The following TACC2 variants were observed in gnomAD, a reference collection of about 807,000 sequenced individuals.
The protein encoded by TACC2 is transforming acidic coiled-coil-containing protein 2.
A neutral mutation model predicts 227.3 loss-of-function variants in TACC2; 137 were observed. The ratio of observed to expected loss-of-function variants is 0.60; its 90% CI spans 0.52 to 0.69. The LOEUF is 0.69. TACC2 is among the 30% of genes least tolerant of loss of function. The pLI is 0.00. For missense variants in TACC2, 3,470 were observed against 3,694.4 expected (o/e 0.94, Z 1.57); for synonymous variants, 1,523 against 1,487.5 (o/e 1.02, Z -0.55).
chr10:122,069,533 C>T (rs1453237654), intron 3 of TACC2, among the ~76,000 whole-genome samples: 1 of 152,170 alleles, frequency 6.6e-6, no homozygotes, highest in Non-Finnish European at 1.5e-5. Flanking sequence ...TGAGCCACTG[C>T]GCCTGGCCCC....
chr10:122,086,890 C>T lies in TACC2; in HGVS notation c.4390C>T (p.Pro1464Ser), dbSNP rs752256733. 5.6e-6 allele frequency: 9 copies of T among 1,613,782 alleles called. No individual in the cohort carries two copies. Among genetic ancestry groups the T allele is most frequent in the African/African-American group, 1.3e-5 (1 of 74,940 alleles). Residue 1464 changes from proline to serine, a missense_variant, in exon 4 of 23, where the codon CCT becomes TCT. By Grantham distance (74) the Pro-to-Ser change is moderately conservative. Transcript: ENST00000369005. ...TCCAGGAGTGGATGTCACCCTTCTCCCTGCACCTCCTGCTCGACTCCAGGT... is the reference window on the plus strand; with the variant it reads ...TCCAGGAGTGGATGTCACCCTTCTCTCTGCACCTCCTGCTCGACTCCAGGT... ...GPPGVDVTLL[P>S]APPARLQVEK... is the part of the protein sequence containing the mutation.
chr10:122,216,552 C>T (rs1423324350), intron 10 of TACC2, 75 bp from the exon 11 acceptor site: 1 of 1,511,902 alleles, frequency 6.6e-7, no homozygotes, highest in Non-Finnish European at 9.0e-7. Context: ...CTAATGGGTC[C>T]CCAGACCTGA....
At chr10:122,113,877 G>C (rs907214501) in intron 5 of TACC2, among the ~76,000 whole-genome samples, 3 of 152,238 alleles carry the variant, frequency 2.0e-5, no homozygotes, top group Non-Finnish European at 4.4e-5. Flanking sequence ...CTCTGCCTCG[G>C]GGTGTCCTCG....
intron 7 of TACC2, among the ~76,000 whole-genome samples, chr10:122,158,756 A>G (rs2092646430): frequency 6.6e-6 from 1 of 152,242 alleles, no homozygotes; most frequent in African/African-American, 2.4e-5. Context: ...AGACTCCCAG[A>G]GGTGAGCAGG....
At chr10:122,072,856 G>A (rs546338966) in intron 3 of TACC2, among the ~76,000 whole-genome samples, 68 of 152,096 alleles carry the variant, frequency 4.5e-4, no homozygotes, top group Admixed American at 9.8e-4. Context: ...CGGCTCACGC[G>A]TAATCCCAGC....
intron 2 of TACC2, among the ~76,000 whole-genome samples, chr10:122,035,524 G>A (rs2461209): frequency 0.053 from 8,075 of 152,210 alleles, 272 homozygotes; most frequent in Admixed American, 0.11. Flanking sequence ...CTTATGAGGC[G>A]CTAACAGGCA....
chr10:122,159,988 T>C (rs1427838506), intron 7 of TACC2, among the ~76,000 whole-genome samples: 1 of 152,186 alleles, frequency 6.6e-6, no homozygotes, highest in East Asian at 1.9e-4. Flanking sequence ...GCTCCGTCCG[T>C]TGAACCTCTG....
intron 7 of TACC2, among the ~76,000 whole-genome samples, chr10:122,185,186 CTTT>C (rs761611487): frequency 2.9e-5 from 4 of 138,450 alleles, no homozygotes; most frequent in Non-Finnish European, 3.2e-5. Flanking sequence ...TCTTTTCTTT[CTTT>C]TTTTTTTTTT....
chr10:122,084,790 G>C lies in TACC2; in HGVS notation c.2290G>C (p.Gly764Arg). 6.2e-7 allele frequency: 1 copy of C among 1,613,618 alleles called. No individual in the cohort carries two copies. The change falls in exon 4 of 23, where the codon GGG becomes CGG. Residue 764 changes from glycine (G) to arginine (R), a missense_variant. Physicochemically the swap from Gly to Arg is moderately radical, Grantham distance 125. Transcript: ENST00000369005. ...GLLTSPDQPR[G>R]PACDASRQEF... The stretch of plus-strand genomic sequence containing the variant: ...GCTGACGTCCCCAGATCAACCCCGC[G>C]GGCCGGCGTGTGATGCGTCGAGACA...
chr10:122,042,073 G>C (rs927666299), intron 2 of TACC2, among the ~76,000 whole-genome samples: 4 of 152,088 alleles, frequency 2.6e-5, no homozygotes, highest in Non-Finnish European at 5.9e-5. Flanking sequence ...AGCCTCCCGA[G>C]TAGCTGGGAC....
rs766819530 is a variant in TACC2, at chr10:122,084,216, T to A, written c.1716T>A (p.Pro572=). The change falls in exon 4 of 23, where the codon CCT becomes CCA. Residue 572 remains proline, a synonymous_variant. Transcript: ENST00000369005. ...PAVAKEGSRS[P]GDSPGGKEEA... The stretch of plus-strand genomic sequence containing the variant: ...TGGCTAAAGAAGGAAGCAGATCACC[T>A]GGTGACAGCCCTGGAGGAAAGGAGG... The A allele has an allele frequency of 8.1e-6, 13 of 1,613,934 alleles. No individual in the cohort carries two copies. The highest frequency in any genetic ancestry group is 2.2e-5 in the South Asian group (2 of 91,076).
At chr10:122,243,000 G>A (rs1283326043) in intron 19 of TACC2, among the ~76,000 whole-genome samples, 1 of 152,144 alleles carries the variant, frequency 6.6e-6, no homozygotes, top group Non-Finnish European at 1.5e-5. Flanking sequence ...CTGGAGTGCA[G>A]TGGCACGATC....
Position 122,205,260 on chromosome 10 carries a change from T to G in TACC2, c.5972-5137T>G, listed in dbSNP as rs2095063308. On this transcript the variant is annotated intron_variant, in intron 8 of 22. Transcript: ENST00000369005. This position sits in a 1 kb window ranked among gnomAD's most constrained non-coding sequence, Gnocchi z 4.5. ...CACAGCCCCACCCGGTGGGGGTTCC[T>G]GGGGTCTCTGTGAGATCCTGAACAC... Among the ~76,000 whole-genome samples the G allele has an allele frequency of 6.6e-6, 1 of 152,146 alleles. No homozygotes were observed. The highest frequency in any genetic ancestry group is 2.1e-4 in the South Asian group (1 of 4,816).
At chr10:122,037,161 G>A (rs1214226148) in intron 2 of TACC2, among the ~76,000 whole-genome samples, 1 of 152,224 alleles carries the variant, frequency 6.6e-6, no homozygotes, top group Admixed American at 6.6e-5. Flanking sequence ...AGTGTAACAG[G>A]TATGGGAGAA....
At chr10:122,212,124 T>A (rs1356803418) in intron 9 of TACC2, among the ~76,000 whole-genome samples, 1 of 152,224 alleles carries the variant, frequency 6.6e-6, no homozygotes, top group Non-Finnish European at 1.5e-5. Context: ...TATTAAAATG[T>A]ATAGTACTTG....
chr10:122,251,869 A>C (rs368249788), intron 22 of TACC2, among the ~76,000 whole-genome samples: 1 of 152,218 alleles, frequency 6.6e-6, no homozygotes, highest in South Asian at 2.1e-4. Flanking sequence ...CATTATCTTA[A>C]ACTGAACTTC....
chr10:121,996,605 C>T (rs952223733), intron 1 of TACC2, among the ~76,000 whole-genome samples: 5 of 152,124 alleles, frequency 3.3e-5, no homozygotes, highest in Non-Finnish European at 5.9e-5. Context: ...TCATTTCATT[C>T]AGCAAACACT....
In TACC2 at chr10:122,087,615, A is replaced by G. The variant is rs1272284472; in HGVS notation, c.5115A>G (p.Ala1705=). The G allele has an allele frequency of 6.2e-7, 1 of 1,613,562 alleles. No individual in the cohort carries two copies. Among genetic ancestry groups the G allele is most frequent in the Admixed American group, 1.7e-5 (1 of 60,028 alleles). The change falls in exon 4 of 23, where the codon GCA becomes GCG. Residue 1705 remains alanine, a synonymous_variant. Transcript: ENST00000369005. ...PGKVAGAAGE[A]EGDITLSTAE... The stretch of plus-strand genomic sequence containing the variant: ...AGGTGGCAGGCGCTGCTGGGGAAGC[A>G]GAGGGTGACATCACCCTGAGCACAG...
chr10:122,249,231 G>A, intron 21 of TACC2, 75 bp downstream of exon 21: 1 of 1,115,484 alleles, frequency 9.0e-7, no homozygotes, highest in Non-Finnish European at 1.3e-6. Flanking sequence ...TGGGACCTCT[G>A]GCAGCGCCTG....
Sources: gnomAD v4.1 joint callset for allele counts (sites outside exome capture counted in the v4.1 genomes callset) on GRCh38, gnomAD v4.1.1 for gene constraint, Gnocchi (gnomAD v3.1) non-coding constraint, MANE v1.5 for transcripts, NCBI Gene and HGNC (gene_info 2026-07-23, HGNC 2026-07-21) for gene names.